Variants in TBRG1 observed in about 807,000 individuals in gnomAD.
TBRG1 encodes nuclear interactor of ARF and MDM2.
A neutral mutation model predicts 44.0 loss-of-function variants in TBRG1; 31 were observed. That is an observed-to-expected ratio of 0.70 (90% confidence interval 0.53 to 0.95). TBRG1 has a LOEUF of 0.95. Among genes scored for constraint, TBRG1 ranks in the 40% least tolerant of loss-of-function variants. TBRG1 has a pLI of 0.00. For synonymous variants in TBRG1, 171 were observed against 188.1 expected (o/e 0.91, Z 0.74); for missense variants, 487 against 496.1 (o/e 0.98, Z 0.18).
At position 124,622,913 on chromosome 11, in the gene TBRG1, GT is replaced by G. The variant is rs1942369292; in HGVS notation, c.-169del. 1.5e-6 allele frequency: 1 copy of G among 679,230 alleles called. No homozygotes were observed. The highest frequency in any genetic ancestry group is 2.9e-5 in the East Asian group (1 of 34,264). The allele number at this position is 679,230 out of a possible 1,614,324, so 42.1% of individuals were successfully genotyped here. ...CTGGGAGGCGCCGGGAGCCCGTTCGGTTGCGGGTGTCTCTGGCCCTGCGGTC... is the reference window on the plus strand; with the variant it reads ...CTGGGAGGCGCCGGGAGCCCGTTCGGTGCGGGTGTCTCTGGCCCTGCGGTC... On this transcript the variant is annotated 5_prime_UTR_variant, in exon 1 of 9. Coordinates refer to ENST00000441174, the MANE Select transcript of TBRG1 (RefSeq NM_032811.3).
At position 124,626,580 on chromosome 11, in the gene TBRG1, G is replaced by T. The variant is rs527940170; in HGVS notation, c.562G>T (p.Gly188Trp). ...ACGGCCTGTGTTCCCCATCGGACTAGGGGGTCTAACAGTATATAGCCTGGG... is the reference window on the plus strand; with the variant it reads ...ACGGCCTGTGTTCCCCATCGGACTATGGGGTCTAACAGTATATAGCCTGGG... ...SGRPVFPIGLGGLTVYSLGEI... is the reference protein window; with the variant it reads ...SGRPVFPIGLWGLTVYSLGEI... Residue 188 changes from glycine to tryptophan, a missense_variant, in exon 4 of 9, where the codon GGG becomes TGG. Gly to Trp is a radical substitution (Grantham distance 184). Coordinates refer to ENST00000441174, the MANE Select transcript of TBRG1 (RefSeq NM_032811.3). 3.2e-6 allele frequency: 5 copies of T among 1,551,602 alleles called. No individual in the cohort carries two copies. The highest frequency in any genetic ancestry group is 3.3e-4 in the Middle Eastern group (2 of 5,990).
intron 5 of TBRG1, among the ~76,000 whole-genome samples, chr11:124,628,641 C>T (rs1177792989): frequency 6.6e-6 from 1 of 151,786 alleles, no homozygotes; most frequent in East Asian, 1.9e-4. Context: ...TTATTTTGCT[C>T]ATAGGCACAT....
chr11:124,626,291 A>G (rs1046142593), intron 3 of TBRG1, among the ~76,000 whole-genome samples, 182 bp from the exon 4 acceptor site: 4 of 152,232 alleles, frequency 2.6e-5, no homozygotes, highest in Admixed American at 1.3e-4. Flanking sequence ...TTTGGCTCCT[A>G]AGCACTAATC....
At chr11:124,626,675 C>G in intron 4 of TBRG1, 66 bp downstream of exon 4, 1 of 1,527,482 alleles carries the variant, frequency 6.5e-7, no homozygotes, top group Non-Finnish European at 8.9e-7. Context: ...TTGAGCCTTC[C>G]CTCCCTGTTC....
At chr11:124,631,060 G>A in intron 7 of TBRG1, 1 of 634,354 alleles carries the variant, frequency 1.6e-6, no homozygotes, top group South Asian at 2.1e-5. Context: ...ACTATTTTCT[G>A]TATGTACCAT....
chr11:124,635,223 T>G lies in TBRG1; in HGVS notation c.*2985T>G, dbSNP rs1942699587. The G allele has an allele frequency of 6.6e-6, 1 of 152,234 alleles. No individual in the cohort carries two copies. The highest frequency in any genetic ancestry group is 2.4e-5 in the African/African-American group (1 of 41,442). 9.4% of individuals were successfully genotyped at this position (152,234 alleles called of 1,614,324 possible). ...ATTGACTTTTTCTCAGGCATCAATC[T>G]GTTACAAGGTTCATGGTTTCTATGG... is the stretch of plus-strand genomic sequence containing the variant. On this transcript the variant is annotated 3_prime_UTR_variant, in exon 9 of 9. Transcript: ENST00000441174.
At chr11:124,624,040 A>G (rs193034803) in intron 1 of TBRG1, among the ~76,000 whole-genome samples, 120 of 152,366 alleles carry the variant, frequency 7.9e-4, no homozygotes, top group Non-Finnish European at 1.4e-3. Flanking sequence ...TAGAATACAC[A>G]TTCCAAAAGC....
intron 2 of TBRG1, 37 bp from the exon 3 acceptor site, chr11:124,625,634 A>C: frequency 6.5e-7 from 1 of 1,532,394 alleles, no homozygotes; most frequent in Non-Finnish European, 8.8e-7. Context: ...GACAATACGG[A>C]AGTTCATTTC....
rs1267670839 is a variant in TBRG1, at chr11:124,635,394, A to C, written c.*3156A>C. ...CTAAATAAAATCTTGGCACTGACAA[A>C]GTTATTCCTGCTGTTTGGAGCTACA... is the stretch of plus-strand genomic sequence containing the variant. On this transcript the variant is annotated 3_prime_UTR_variant, in exon 9 of 9. Coordinates refer to ENST00000441174, the MANE Select transcript of TBRG1 (RefSeq NM_032811.3). The C allele has an allele frequency of 6.6e-6, 1 of 152,194 alleles. No homozygotes were observed. Among genetic ancestry groups the C allele is most frequent in the African/African-American group, 2.4e-5 (1 of 41,430 alleles). The allele number at this position is 152,194 out of a possible 1,614,324, so 9.4% of individuals were successfully genotyped here. A position where few individuals can be genotyped will look rare whatever the true frequency, so the allele number is the denominator to read the frequency against.
At position 124,623,029 on chromosome 11, in the gene TBRG1, C is replaced by A; in HGVS notation, c.-55C>A. On this transcript the variant is annotated 5_prime_UTR_variant, in exon 1 of 9. Transcript: ENST00000441174. ...AAAGCCAGCGCTCCCGCCCGCTCCC[C>A]GACTTAGGATCCGATGCCGGCAGCG... 6.8e-7 allele frequency: 1 copy of A among 1,480,258 alleles called. No individual in the cohort carries two copies. Among genetic ancestry groups the A allele is most frequent in the Non-Finnish European group, 8.9e-7 (1 of 1,117,412 alleles). 91.7% of individuals were successfully genotyped at this position (1,480,258 alleles called of 1,614,324 possible). A position where few individuals can be genotyped will look rare whatever the true frequency, so the allele number is the denominator to read the frequency against.
intron 5 of TBRG1, among the ~76,000 whole-genome samples, chr11:124,627,514 C>T (rs2846572): frequency 0.36 from 54,862 of 152,016 alleles, 11,602 homozygotes; most frequent in Non-Finnish European, 0.48. Flanking sequence ...CTTCTCAGTG[C>T]TAAGATTTGA....
chr11:124,624,883 G>C, intron 1 of TBRG1, 48 bp from the exon 2 acceptor site: 5 of 921,716 alleles, frequency 5.4e-6, no homozygotes, highest in Non-Finnish European at 7.9e-6. Context: ...ATAATAATGT[G>C]ATTTTTTTAT....
At position 124,630,495 on chromosome 11, in the gene TBRG1, C is replaced by A. The variant is rs1202299239; in HGVS notation, c.836+10C>A. On this transcript the variant is annotated intron_variant, in intron 6 of 8. Coordinates refer to ENST00000441174, the MANE Select transcript of TBRG1 (RefSeq NM_032811.3). Reference sequence around the variant, plus strand: ...CTATAAGCACTACTATGTAAGTTGACCAAAAGCTTGAAAACAGGCTAAAAG... The same window carrying A: ...CTATAAGCACTACTATGTAAGTTGAACAAAAGCTTGAAAACAGGCTAAAAG... 4 of 1,593,392 alleles carry A rather than the reference C, an allele frequency of 2.5e-6. No individual in the cohort carries two copies. In the Admixed American group the frequency reaches 5.0e-5, roughly 20 times the overall value.
intron 8 of TBRG1, 104 bp from the exon 9 acceptor site, chr11:124,631,989 C>A: frequency 1.0e-6 from 1 of 961,134 alleles, no homozygotes; most frequent in Non-Finnish European, 1.6e-6. Flanking sequence ...CTGACAAATG[C>A]AAGGGTGTTA....
intron 1 of TBRG1, among the ~76,000 whole-genome samples, chr11:124,623,824 C>T (rs960560626): frequency 6.6e-6 from 1 of 152,198 alleles, no homozygotes; most frequent in African/African-American, 2.4e-5. Flanking sequence ...ATTGTAGAAG[C>T]ACTGGATTTA....
Position 124,624,941 on chromosome 11 carries a change from C to A in TBRG1, c.161C>A (p.Ala54Asp). The stretch of plus-strand genomic sequence containing the variant: ...CATTTTTACTTAAAGGAAAATGCTG[C>A]TATTTGTGATGAAATTGCTCGTCTT... ...AAKATVFENA[A>D]ICDEIARLEE... The change falls in exon 2 of 9, where the codon GCT becomes GAT. Residue 54 changes from alanine to aspartate, a missense_variant. By Grantham distance (126) the Ala-to-Asp change is moderately radical. Coordinates refer to ENST00000441174, the MANE Select transcript of TBRG1 (RefSeq NM_032811.3). 1 of 1,540,526 alleles carries A rather than the reference C, an allele frequency of 6.5e-7. No individual in the cohort carries two copies. Among genetic ancestry groups the A allele is most frequent in the East Asian group, 2.5e-5 (1 of 40,780 alleles).
intron 5 of TBRG1, among the ~76,000 whole-genome samples, chr11:124,628,058 A>C (rs1359113552): frequency 1.6e-5 from 2 of 126,484 alleles, no homozygotes; most frequent in Non-Finnish European, 3.3e-5. Flanking sequence ...AACGTCAAGT[A>C]GCTGTTTTAT....
chr11:124,625,268 T>C (rs1942439448), intron 2 of TBRG1, among the ~76,000 whole-genome samples: 1 of 152,246 alleles, frequency 6.6e-6, no homozygotes, highest in Non-Finnish European at 1.5e-5. Context: ...TAAATAATCT[T>C]ACTAAGATTA....
chr11:124,631,114 A>G (rs1006919491), intron 7 of TBRG1, 161 bp from the exon 8 acceptor site: 22 of 718,314 alleles, frequency 3.1e-5, no homozygotes, highest in Non-Finnish European at 1.1e-5. Context: ...ATTTGTCACT[A>G]AAGAGGCCTG....
Sources: gnomAD v4.1 joint callset for allele counts (sites outside exome capture counted in the v4.1 genomes callset) on GRCh38, gnomAD v4.1.1 for gene constraint, MANE v1.5 for transcripts, NCBI Gene and HGNC (gene_info 2026-07-23, HGNC 2026-07-21) for gene names.